NCALD: variants seen among roughly 807,000 people sequenced by gnomAD.
NCALD encodes the protein neurocalcin delta, also known as neurocalcin-delta.
In NCALD, 10 loss-of-function variants were observed where a neutral mutation model predicts 18.6. That is an observed-to-expected ratio of 0.54 (90% CI 0.33 to 0.91). NCALD has a LOEUF of 0.91. Among genes scored for constraint, NCALD ranks in the 40% least tolerant of loss-of-function variants. The pLI, the probability that NCALD is intolerant of heterozygous loss-of-function variation, is 0.03. For missense variants in NCALD, 184 were observed against 247.6 expected (o/e 0.74, Z 1.72); for synonymous variants, 88 against 87.4 (o/e 1.01, Z -0.04).
intron 4 of NCALD, among the ~76,000 whole-genome samples, chr8:101,880,888 G>C (rs950373467): frequency 6.6e-6 from 1 of 152,168 alleles, no homozygotes; most frequent in African/African-American, 2.4e-5. Context: ...GGGAGGTAAT[G>C]GAGATAAATG....
At chr8:101,796,053 T>C (rs1812628048) in intron 4 of NCALD, among the ~76,000 whole-genome samples, 2 of 151,900 alleles carry the variant, frequency 1.3e-5, no homozygotes, top group Non-Finnish European at 2.9e-5. Flanking sequence ...CTCCAAGGAG[T>C]TGGAACCTGG....
chr8:101,928,181 G>A (rs866442855), intron 2 of NCALD, among the ~76,000 whole-genome samples: 17 of 152,170 alleles, frequency 1.1e-4, no homozygotes, highest in African/African-American at 3.6e-4. Context: ...ATGATCGCGC[G>A]ATGTAGAGAT....
chr8:102,106,527 C>T (rs1825461328), intron 1 of NCALD, among the ~76,000 whole-genome samples: 1 of 151,660 alleles, frequency 6.6e-6, no homozygotes, highest in South Asian at 2.1e-4. Flanking sequence ...GAAAGTGTCT[C>T]AGATGTGTGG....
chr8:101,943,103 C>G (rs1313526840), intron 2 of NCALD, among the ~76,000 whole-genome samples: 1 of 152,084 alleles, frequency 6.6e-6, no homozygotes, highest in Non-Finnish European at 1.5e-5. Flanking sequence ...GAGAACCAAA[C>G]ATTGTTGGGG....
intron 4 of NCALD, among the ~76,000 whole-genome samples, chr8:101,832,120 A>C (rs1814214778): frequency 6.6e-6 from 1 of 152,156 alleles, no homozygotes; most frequent in South Asian, 2.1e-4. Context: ...CCTATATACC[A>C]GGCTTCGTGG....
intron 3 of NCALD, among the ~76,000 whole-genome samples, chr8:101,889,305 A>G (rs948144073): frequency 6.6e-6 from 1 of 152,216 alleles, no homozygotes; most frequent in African/African-American, 2.4e-5. Context: ...AGTAAATCCT[A>G]TTTGGTTAAG....
intron 1 of NCALD, among the ~76,000 whole-genome samples, chr8:102,051,428 C>T (rs528734230): frequency 1.7e-4 from 25 of 148,082 alleles, no homozygotes; most frequent in African/African-American, 6.1e-4. Flanking sequence ...GTAGCCTTTG[C>T]GCTCCCCAAA....
chr8:101,998,937 C>G (rs1821337726), intron 2 of NCALD, among the ~76,000 whole-genome samples: 1 of 152,104 alleles, frequency 6.6e-6, no homozygotes, highest in Admixed American at 6.6e-5. Context: ...CTAGCCTTCT[C>G]TTTTAGCAAA....
intron 1 of NCALD, among the ~76,000 whole-genome samples, chr8:102,109,931 A>G (rs1825589748): frequency 6.6e-6 from 1 of 152,216 alleles, no homozygotes; most frequent in Non-Finnish European, 1.5e-5. Context: ...TTAGTTATGT[A>G]GTCATATTTA....
chr8:101,704,442 T>C (rs1487539094), intron 2 of NCALD, among the ~76,000 whole-genome samples: 4 of 152,132 alleles, frequency 2.6e-5, no homozygotes, highest in Non-Finnish European at 4.4e-5. Flanking sequence ...TACTCTAGGA[T>C]ACCGCATGAG....
intron 4 of NCALD, among the ~76,000 whole-genome samples, chr8:101,881,821 A>T (rs2131462803): frequency 6.6e-6 from 1 of 152,344 alleles, no homozygotes; most frequent in African/African-American, 2.4e-5. Context: ...CTGGTTTCAT[A>T]ATATCATCTT....
chr8:101,875,424 G>A (rs1563847678), intron 4 of NCALD, among the ~76,000 whole-genome samples: 1 of 152,162 alleles, frequency 6.6e-6, no homozygotes, highest in Non-Finnish European at 1.5e-5. Flanking sequence ...CACTGACCCT[G>A]TCCCTTTCAT....
chr8:101,927,428 C>T (rs1251619282), intron 2 of NCALD, among the ~76,000 whole-genome samples: 3 of 152,156 alleles, frequency 2.0e-5, no homozygotes, highest in Admixed American at 6.5e-5. Flanking sequence ...TGAGATGCAG[C>T]GTAGCAGAGA....
In NCALD at chr8:101,743,825, C is replaced by T. The variant is rs374710746; in HGVS notation, c.-19-24177G>A. ...GTGACCAAGTTTTGTCTGAAATCTGCTCCTAATTGCTAAGGGAGCAAAGGA... is the reference window on the plus strand; with the variant it reads ...GTGACCAAGTTTTGTCTGAAATCTGTTCCTAATTGCTAAGGGAGCAAAGGA... On this transcript the variant is annotated intron_variant, in intron 1 of 3. Transcript: ENST00000220931. Among the ~76,000 whole-genome samples the T allele has an allele frequency of 1.4e-3, 210 of 152,344 alleles. No individual in the cohort carries two copies. In the South Asian group the frequency reaches 0.016, roughly 11 times the overall value.
At chr8:101,808,516 T>C (rs779046653) in intron 4 of NCALD, among the ~76,000 whole-genome samples, 2 of 152,196 alleles carry the variant, frequency 1.3e-5, no homozygotes, top group Non-Finnish European at 2.9e-5. Flanking sequence ...CTTTAGCTTG[T>C]TAATAGCTGC....
chr8:101,755,738 G>A (rs774834479), intron 1 of NCALD, among the ~76,000 whole-genome samples: 1 of 152,130 alleles, frequency 6.6e-6, no homozygotes, highest in Non-Finnish European at 1.5e-5. Flanking sequence ...TCCAACATAA[G>A]ATAACACTCC....
chr8:101,803,279 T>G (rs1307564726), intron 4 of NCALD, among the ~76,000 whole-genome samples: 1 of 152,192 alleles, frequency 6.6e-6, no homozygotes, highest in African/African-American at 2.4e-5. Context: ...TCACAGTACA[T>G]CTGTTTACAG....
chr8:102,013,346 T>C (rs1435842346), intron 2 of NCALD, among the ~76,000 whole-genome samples: 2 of 152,354 alleles, frequency 1.3e-5, no homozygotes, highest in African/African-American at 2.4e-5. Flanking sequence ...TTTAAGCTCA[T>C]TCTCCAATAC....
chr8:102,057,994 C>A (rs7819788), intron 1 of NCALD, among the ~76,000 whole-genome samples: 3,355 of 152,284 alleles, frequency 0.022, 121 homozygotes, highest in African/African-American at 0.074. Context: ...TAAATATCAG[C>A]TGATGAGCAT....
Sources: allele counts gnomAD v4.1 joint callset (sites outside exome capture counted in the v4.1 genomes callset), GRCh38; gene constraint gnomAD v4.1.1; transcripts MANE v1.5; gene names NCBI Gene and HGNC (gene_info 2026-07-23, HGNC 2026-07-21).